Variants in ACOT9 observed in about 807,000 individuals in gnomAD.
ACOT9 encodes the protein acyl-coenzyme A thioesterase 9, mitochondrial.
A neutral mutation model predicts 39.7 loss-of-function variants in ACOT9; 34 were observed. The observed-to-expected ratio is 0.86, with a 90% CI of 0.65 to 1.14. The LOEUF (loss-of-function observed/expected upper bound fraction) is 1.14. ACOT9 is among the 50% of genes most tolerant of loss of function. The probability of loss-of-function intolerance (pLI) is 0.00; values close to 1 mark genes in which losing one functional copy is unlikely to be tolerated. For synonymous variants in ACOT9, 110 were observed against 120.5 expected (o/e 0.91, Z 0.57); for missense variants, 313 against 344.1 (o/e 0.91, Z 0.71).
At position 23,734,517 on chromosome X, in the gene ACOT9, C is replaced by G; in HGVS notation, c.119-150G>C. 1.2e-5 allele frequency: 5 copies of G among 421,189 alleles called. No individual in the cohort carries two copies. The South Asian group carries it at 2.5e-4, about 21-fold the overall frequency. The allele number at this position is 421,189 out of a possible 1,213,427, so 34.7% of individuals were successfully genotyped here. On this transcript the variant is annotated intron_variant, in intron 2 of 15. Coordinates refer to ENST00000379303, the MANE Select transcript of ACOT9 (RefSeq NM_001037171.2). Reference sequence around the variant, plus strand: ...TCCAGTTATAGGAAATTAACTATAGCAATCCTCAGTCCTTCAATAACTAAC... The same window carrying G: ...TCCAGTTATAGGAAATTAACTATAGGAATCCTCAGTCCTTCAATAACTAAC...
intron 8 of ACOT9, among the ~76,000 whole-genome samples, chrX:23,714,853 A>G (rs1929023318): frequency 9.0e-6 from 1 of 111,075 alleles, no homozygotes; most frequent in Non-Finnish European, 1.9e-5. Context: ...GAGCTCAAGG[A>G]ATCTACCAGC....
In ACOT9 at chrX:23,719,486, T is replaced by C. The variant is rs138767143; in HGVS notation, c.588+2395A>G. Among the ~76,000 whole-genome samples, 1,066 of 107,262 alleles carry C rather than the reference T, an allele frequency of 9.9e-3. 13 individuals are homozygous for C. Among genetic ancestry groups the C allele is most frequent in the African/African-American group, 0.035 (1,019 of 29,238 alleles). The allele number at this position is 107,262 out of a possible 115,157, so 93.1% of individuals were successfully genotyped here. A position where few individuals can be genotyped will look rare whatever the true frequency, so the allele number is the denominator to read the frequency against. On this transcript the variant is annotated intron_variant, in intron 8 of 15. Transcript: ENST00000379303. ...AGCAGGAAAAAATGCATCTGAATAA[T>C]AGGTCTACTGCAGTGGCCCCCAACC... is the stretch of plus-strand genomic sequence containing the variant.
chrX:23,730,717 C>A (rs1189849842), intron 5 of ACOT9, 99 bp downstream of exon 5: 8 of 981,265 alleles, frequency 8.2e-6, no homozygotes, highest in Non-Finnish European at 1.1e-5. Flanking sequence ...TGGAACTGTA[C>A]ACTTTAAACA....
intron 10 of ACOT9, 90 bp from the exon 11 acceptor site, chrX:23,706,829 T>C (rs1349871887): frequency 5.8e-6 from 3 of 515,376 alleles, no homozygotes; most frequent in Non-Finnish European, 9.7e-6. Context: ...AAAATCTCAC[T>C]GAAAATTATA....
chrX:23,704,816 T>C lies in ACOT9; in HGVS notation c.1136A>G (p.Gln379Arg). ...GGCCACTTCACTGTGTACTCTGACTTGAATATAATTATTCTGAGTAAAGCA... is the reference window on the plus strand; with the variant it reads ...GGCCACTTCACTGTGTACTCTGACTCGAATATAATTATTCTGAGTAAAGCA... Reference protein sequence around the residue: ...QVCFTQNNYIQVRVHSEVASL... With the variant: ...QVCFTQNNYIRVRVHSEVASL... The change falls in exon 15 of 16, where the codon CAA (glutamine) becomes CGA (arginine). Residue 379 changes from glutamine (Q) to arginine (R), a missense_variant. By Grantham distance (43) the Gln-to-Arg change is conservative. Coordinates refer to ENST00000379303, the MANE Select transcript of ACOT9 (RefSeq NM_001037171.2). 1 of 1,210,791 alleles carries C rather than the reference T, an allele frequency of 8.3e-7. No homozygotes were observed. The highest frequency in any genetic ancestry group is 1.7e-5 in the African/African-American group (1 of 57,822).
At chrX:23,738,740 A>G (rs1307806753) in intron 1 of ACOT9, among the ~76,000 whole-genome samples, 1 of 112,322 alleles carries the variant, frequency 8.9e-6, no homozygotes, top group East Asian at 2.8e-4. Context: ...AATAGGAACT[A>G]TAATAGACAC....
chrX:23,703,785 C>A lies in ACOT9; in HGVS notation c.*109G>T. The A allele has an allele frequency of 1.7e-6, 1 of 600,519 alleles. No individual in the cohort carries two copies. The highest frequency in any genetic ancestry group is 2.7e-6 in the Non-Finnish European group (1 of 369,863). The allele number at this position is 600,519 out of a possible 1,213,427, so 49.5% of individuals were successfully genotyped here. ...TCCTAAAGGCTGAATACATCCTCCTCCTGTGTGGAGGACACGAAGCAATAC... is the reference window on the plus strand; with the variant it reads ...TCCTAAAGGCTGAATACATCCTCCTACTGTGTGGAGGACACGAAGCAATAC... On this transcript the variant is annotated 3_prime_UTR_variant, in exon 16 of 16. Coordinates refer to ENST00000379303, the MANE Select transcript of ACOT9 (RefSeq NM_001037171.2).
intron 1 of ACOT9, 24 bp downstream of exon 1, chrX:23,743,101 C>A: frequency 9.5e-6 from 11 of 1,152,206 alleles, no homozygotes; most frequent in South Asian, 2.0e-5. Flanking sequence ...GCCCTGCCAG[C>A]CCCTTCCACG....
rs777349347 is a variant in ACOT9, at chrX:23,705,761, A to G, written c.933+7T>C. On this transcript the variant is annotated splice_region_variant and intron_variant, in intron 12 of 15. Coordinates refer to ENST00000379303, the MANE Select transcript of ACOT9 (RefSeq NM_001037171.2). Reference sequence around the variant, plus strand: ...TCCTATTCGGATTTCTCACTAAATTATAATACCTGAGGGTGGCAAATTTCC... The same window carrying G: ...TCCTATTCGGATTTCTCACTAAATTGTAATACCTGAGGGTGGCAAATTTCC... 9.2e-5 allele frequency: 110 copies of G among 1,198,771 alleles called. 1 individual carries two copies. In the Admixed American group the frequency reaches 2.3e-3, roughly 25 times the overall value.
Position 23,704,994 on chromosome X carries a change from T to C in ACOT9, c.1106A>G (p.Gln369Arg). The C allele has an allele frequency of 8.3e-7, 1 of 1,209,396 alleles. No homozygotes were observed. The highest frequency in any genetic ancestry group is 3.0e-5 in the East Asian group (1 of 33,828). Residue 369 changes from glutamine (Q) to arginine (R), a missense_variant and splice_region_variant, in exon 14 of 16, where the codon CAG becomes CGG. Coordinates refer to ENST00000379303, the MANE Select transcript of ACOT9 (RefSeq NM_001037171.2). ...EVGSLLFLSS[Q>R]VCFTQNNYIQ... ...TGTCATCTCTCATCACACACCTACCTGTGAAGAAAGAAAGAGCAATGAGCC... is the reference window on the plus strand; with the variant it reads ...TGTCATCTCTCATCACACACCTACCCGTGAAGAAAGAAAGAGCAATGAGCC...
At chrX:23,709,169 G>T (rs1928809154) in intron 9 of ACOT9, among the ~76,000 whole-genome samples, 1 of 111,529 alleles carries the variant, frequency 9.0e-6, no homozygotes, top group African/African-American at 3.3e-5. Context: ...AAGGCAGGTG[G>T]ATCACCTAAG....
At chrX:23,737,146 G>A (rs1376503067) in intron 1 of ACOT9, among the ~76,000 whole-genome samples, 1 of 109,874 alleles carries the variant, frequency 9.1e-6, no homozygotes, top group African/African-American at 3.3e-5. Context: ...AACACTGTCT[G>A]TACTAAAAAT....
chrX:23,731,653 G>C (rs151158689), intron 4 of ACOT9, among the ~76,000 whole-genome samples: 1,759 of 109,226 alleles, frequency 0.016, 41 homozygotes, highest in African/African-American at 0.055. Flanking sequence ...CTAAAGAATG[G>C]CTTGGCCACT....
At chrX:23,720,112 C>T (rs927730196) in intron 8 of ACOT9, among the ~76,000 whole-genome samples, 3 of 112,983 alleles carry the variant, frequency 2.7e-5, no homozygotes, top group Non-Finnish European at 5.6e-5. Flanking sequence ...GGATTACAGG[C>T]GTGAGCCACC....
At chrX:23,727,365 A>G (rs1929569711) in intron 6 of ACOT9, among the ~76,000 whole-genome samples, 1 of 111,169 alleles carries the variant, frequency 9.0e-6, no homozygotes, top group Non-Finnish European at 1.9e-5. Context: ...AACCAAAGTC[A>G]ATCAGGCTGT....
rs761712470 is a variant in ACOT9 at position 23,722,793 on chromosome X, G to A, written c.401-40C>T. On this transcript the variant is annotated intron_variant, in intron 6 of 15. Transcript: ENST00000379303. ...GAGTGTACCAAATTTTAAAAAGGCA[G>A]AATTATTTCCCAACATTTAAAATTT... is the stretch of plus-strand genomic sequence containing the variant. 4 of 930,497 alleles carry A rather than the reference G, an allele frequency of 4.3e-6. No homozygotes were observed. In the Admixed American group the frequency reaches 1.0e-4, roughly 24 times the overall value. The allele number at this position is 930,497 out of a possible 1,213,427, so 76.7% of individuals were successfully genotyped here. A position where few individuals can be genotyped will look rare whatever the true frequency, so the allele number is the denominator to read the frequency against.
chrX:23,738,104 T>G (rs1186924491), intron 1 of ACOT9, among the ~76,000 whole-genome samples: 1 of 107,861 alleles, frequency 9.3e-6, no homozygotes, highest in African/African-American at 3.4e-5. Context: ...CCTGACCCTG[T>G]GATCTGCCCA....
intron 9 of ACOT9, among the ~76,000 whole-genome samples, chrX:23,709,710 G>C (rs1050879953): frequency 6.3e-5 from 7 of 111,767 alleles, no homozygotes; most frequent in Non-Finnish European, 1.1e-4. Flanking sequence ...ACAGGCCACT[G>C]GACTCTGTCC....
Position 23,713,157 on chromosome X carries a change from C to G in ACOT9, c.640G>C (p.Ala214Pro), listed in dbSNP as rs1018918932. Residue 214 changes from alanine (A) to proline (P), a missense_variant, in exon 9 of 16, where the codon GCT becomes CCT. Ala to Pro is a conservative substitution (Grantham distance 27). Coordinates refer to ENST00000379303, the MANE Select transcript of ACOT9 (RefSeq NM_001037171.2). The stretch of plus-strand genomic sequence containing the variant: ...TACCCTTTATTTTCAGAATCACGAG[C>G]CACCATTACAAATGTTGCATCCAAA... ...PVLDATFVMV[A>P]RDSENKGPAF... is the part of the protein sequence containing the mutation. The G allele has an allele frequency of 4.1e-6, 5 of 1,205,909 alleles. No homozygotes were observed. Among genetic ancestry groups the G allele is most frequent in the East Asian group, 5.9e-5 (2 of 33,757 alleles).
Sources: allele counts gnomAD v4.1 joint callset (sites outside exome capture counted in the v4.1 genomes callset), GRCh38; gene constraint gnomAD v4.1.1; transcripts MANE v1.5; gene names NCBI Gene and HGNC (gene_info 2026-07-23, HGNC 2026-07-21).